Variants in SAMD4A observed in about 807,000 individuals in gnomAD.
The protein encoded by SAMD4A is sterile alpha motif domain containing 4A, also known as protein Smaug homolog 1.
In SAMD4A, 33 loss-of-function variants were observed where a neutral mutation model predicts 81.3. That is an observed-to-expected ratio of 0.41 (90% CI 0.31 to 0.54). SAMD4A has a LOEUF of 0.54. Among genes scored for constraint, SAMD4A ranks in the 20% least tolerant of loss-of-function variants. The pLI is 0.37. For synonymous variants in SAMD4A, 389 were observed against 382.1 expected (o/e 1.02, Z -0.21); for missense variants, 854 against 951.1 (o/e 0.90, Z 1.34).
rs529636888 is a variant in SAMD4A at position 54,768,782 on chromosome 14, C to T, written c.1597-1322C>T. ...TTAATGGCATCTGGCTAAGGTCACC[C>T]GGGAAGAAGGGGTTTGTAAGTCCTC... On this transcript the variant is annotated intron_variant, in intron 8 of 12. Coordinates refer to ENST00000554335, the MANE Select transcript of SAMD4A (RefSeq NM_015589.6). Among the ~76,000 whole-genome samples the T allele has an allele frequency of 5.3e-5, 8 of 152,288 alleles. No individual in the cohort carries two copies. The East Asian group carries it at 9.6e-4, about 18-fold the overall frequency.
At chr14:54,687,930 C>CT in intron 2 of SAMD4A, 1 of 987,060 alleles carries the variant, frequency 1.0e-6, no homozygotes, top group Non-Finnish European at 1.2e-6. Context: ...GCATCACCCT[C>CT]TGTGGCTGAT....
At chr14:54,581,678 TCATGCAGC>T (rs1237248938) in intron 2 of SAMD4A, among the ~76,000 whole-genome samples, 1 of 152,240 alleles carries the variant, frequency 6.6e-6, no homozygotes, top group Non-Finnish European at 1.5e-5. Flanking sequence ...GTATGAGTGG[TCATGCAGC>T]CATTCAAAGC....
chr14:54,679,328 C>CAAT (rs1379565079), intron 2 of SAMD4A, among the ~76,000 whole-genome samples: 2 of 152,216 alleles, frequency 1.3e-5, no homozygotes, highest in African/African-American at 4.8e-5. Flanking sequence ...GCTTCTCTAA[C>CAAT]AATAGCTCCT....
At chr14:54,668,318 A>G (rs1469715023) in intron 2 of SAMD4A, among the ~76,000 whole-genome samples, 2 of 152,180 alleles carry the variant, frequency 1.3e-5, no homozygotes, top group Non-Finnish European at 2.9e-5. Flanking sequence ...GCCTTCTAGG[A>G]CTGGCCCAAC....
intron 2 of SAMD4A, among the ~76,000 whole-genome samples, chr14:54,657,672 A>G (rs893541253): frequency 6.6e-6 from 1 of 152,218 alleles, no homozygotes; most frequent in South Asian, 2.1e-4. Context: ...TGGTCCATGT[A>G]AAATGACCAG....
At chr14:54,679,206 T>G (rs1166429164) in intron 2 of SAMD4A, among the ~76,000 whole-genome samples, 1 of 152,174 alleles carries the variant, frequency 6.6e-6, no homozygotes, top group African/African-American at 2.4e-5. Context: ...CTAATGTGTC[T>G]ACAATGCATT....
chr14:54,683,122 G>A (rs2036168816), intron 2 of SAMD4A, among the ~76,000 whole-genome samples: 1 of 152,218 alleles, frequency 6.6e-6, no homozygotes, highest in Non-Finnish European at 1.5e-5. Flanking sequence ...ACGTCTGCAA[G>A]ATACCAAAGG....
intron 8 of SAMD4A, among the ~76,000 whole-genome samples, chr14:54,765,438 C>T (rs1432485929): frequency 1.4e-5 from 2 of 141,134 alleles, no homozygotes; most frequent in Admixed American, 7.3e-5. Context: ...GCCTGGGAAA[C>T]ATATCAAGAC....
rs116249962 is a variant in SAMD4A, at chr14:54,672,808, G to A, written c.197-29254G>A. On this transcript the variant is annotated intron_variant, in intron 2 of 12. Transcript: ENST00000554335. The stretch of plus-strand genomic sequence containing the variant: ...CATAAAATGTCTGTCTGTAACATGG[G>A]AACAATGAAATGATGAAGTGCAACT... Among the ~76,000 whole-genome samples the A allele has an allele frequency of 3.4e-3, 521 of 152,264 alleles. 6 individuals carry two copies. Among genetic ancestry groups the A allele is most frequent in the African/African-American group, 0.012 (501 of 41,534 alleles).
intron 2 of SAMD4A, among the ~76,000 whole-genome samples, chr14:54,641,272 C>T (rs1183123807): frequency 6.6e-6 from 1 of 152,182 alleles, no homozygotes; most frequent in Non-Finnish European, 1.5e-5. Context: ...TCAGTAAAGG[C>T]ATTATCATCA....
At chr14:54,631,346 A>G (rs2147536) in intron 2 of SAMD4A, among the ~76,000 whole-genome samples, 115,030 of 152,148 alleles carry the variant, frequency 0.76, 43,625 homozygotes, top group East Asian at 0.88. Flanking sequence ...TGGGCACCTC[A>G]TAGCTCAGTA....
At chr14:54,706,280 C>CAAA (rs112193724) in intron 3 of SAMD4A, among the ~76,000 whole-genome samples, 1,340 of 110,192 alleles carry the variant, frequency 0.012, 28 homozygotes, top group African/African-American at 0.03. Context: ...GACTTAGTCT[C>CAAA]AAAAAAAAAA....
chr14:54,785,210 C>T (rs565847414), intron 12 of SAMD4A, among the ~76,000 whole-genome samples: 1 of 152,340 alleles, frequency 6.6e-6, no homozygotes, highest in South Asian at 2.1e-4. Context: ...GAGTTAGAGG[C>T]GCCTGCACGT....
chr14:54,635,358 G>A (rs2140355656), intron 2 of SAMD4A, among the ~76,000 whole-genome samples: 1 of 152,054 alleles, frequency 6.6e-6, no homozygotes, highest in South Asian at 2.1e-4. Context: ...CCAGGAGGCG[G>A]AGGTTGCAGT....
At chr14:54,669,808 A>G (rs1271477107) in intron 2 of SAMD4A, among the ~76,000 whole-genome samples, 1 of 152,178 alleles carries the variant, frequency 6.6e-6, no homozygotes, top group Non-Finnish European at 1.5e-5. Context: ...TGGAAAGATG[A>G]CGTTGCCAGC....
chr14:54,670,979 G>A (rs181027608), intron 2 of SAMD4A, among the ~76,000 whole-genome samples: 7 of 152,086 alleles, frequency 4.6e-5, no homozygotes, highest in African/African-American at 7.2e-5. Context: ...TCCTTCCACC[G>A]ATAAATATTG....
At chr14:54,783,195 T>C (rs2039045219) in intron 11 of SAMD4A, among the ~76,000 whole-genome samples, 1 of 151,988 alleles carries the variant, frequency 6.6e-6, no homozygotes, top group Admixed American at 6.5e-5. Flanking sequence ...TTCACAACTC[T>C]TAGCTGTCAG....
At chr14:54,725,448 T>C (rs1233576929) in intron 3 of SAMD4A, among the ~76,000 whole-genome samples, 3 of 152,226 alleles carry the variant, frequency 2.0e-5, no homozygotes, top group Non-Finnish European at 4.4e-5. Flanking sequence ...GGTGAAGATT[T>C]TGAAAGAGCA....
In SAMD4A at chr14:54,763,422, GT is replaced by G. The variant is rs534036730; in HGVS notation, c.1511-1025del. Among the ~76,000 whole-genome samples the G allele has an allele frequency of 2.6e-5, 4 of 152,030 alleles. No homozygotes were observed. The East Asian group carries it at 5.8e-4, about 22-fold the overall frequency. The stretch of plus-strand genomic sequence containing the variant: ...TCAGTACAAATAGCGCCATCTCAAA[GT>G]TTTTTTTAAAGATGGCATACTATTC... On this transcript the variant is annotated intron_variant, in intron 7 of 12. Coordinates refer to ENST00000554335, the MANE Select transcript of SAMD4A (RefSeq NM_015589.6).
Sources: allele counts gnomAD v4.1 joint callset (sites outside exome capture counted in the v4.1 genomes callset), GRCh38; gene constraint gnomAD v4.1.1; transcripts MANE v1.5; gene names NCBI Gene and HGNC (gene_info 2026-07-23, HGNC 2026-07-21).